The following DYTN variants were observed in gnomAD, a reference collection of about 807,000 sequenced individuals.
DYTN encodes the protein dystrotelin.
DYTN carries 75 observed loss-of-function variants against 69.6 expected under a neutral mutation model. That is an observed-to-expected ratio of 1.08 (90% CI 0.89 to 1.31). DYTN has a LOEUF of 1.31. Ranked by LOEUF, DYTN falls within the 50% of genes most tolerant of loss-of-function variation. The pLI is 0.00. For missense variants in DYTN, 726 were observed against 688.4 expected (o/e 1.05, Z -0.61); for synonymous variants, 252 against 249.1 (o/e 1.01, Z -0.11).
chr2:206,687,471 T>C (rs1192388350), intron 9 of DYTN: 1 of 152,194 alleles, frequency 6.6e-6, no homozygotes. Flanking sequence ...TTACCGAAAA[T>C]ATTTTTCTAA....
At chr2:206,664,666 G>A (rs1490117668) in intron 10 of DYTN, among the ~76,000 whole-genome samples, 1 of 152,062 alleles carries the variant, frequency 6.6e-6, no homozygotes. Context: ...TGTCTAAAAT[G>A]TATATTTACA....
chr2:206,689,805 C>T (rs559266809), intron 9 of DYTN, among the ~76,000 whole-genome samples: 1 of 152,304 alleles, frequency 6.6e-6, no homozygotes, highest in East Asian at 1.9e-4. Flanking sequence ...TCTAAAAGAG[C>T]TCATGGTTCA....
chr2:206,700,577 G>A (rs1315875502), intron 5 of DYTN, among the ~76,000 whole-genome samples: 1 of 150,182 alleles, frequency 6.7e-6, no homozygotes, highest in East Asian at 2.0e-4. Context: ...CTGTCTTAAA[G>A]TTTAGAGTTT....
chr2:206,669,051 C>T (rs1699604525), intron 9 of DYTN, among the ~76,000 whole-genome samples: 1 of 152,222 alleles, frequency 6.6e-6, no homozygotes, highest in Admixed American at 6.6e-5. Flanking sequence ...GGCGTTTCTT[C>T]ACAGCAGTGT....
chr2:206,701,717 G>T (rs937776790), intron 5 of DYTN, among the ~76,000 whole-genome samples: 3 of 152,224 alleles, frequency 2.0e-5, no homozygotes, highest in African/African-American at 7.2e-5. Context: ...ATTGCAGCAT[G>T]GCTACTAGTA....
intron 7 of DYTN, among the ~76,000 whole-genome samples, chr2:206,697,746 A>C (rs1699936498): frequency 6.6e-6 from 1 of 152,192 alleles, no homozygotes; most frequent in Admixed American, 6.5e-5. Context: ...ACACCTGTTT[A>C]TTGCCTTGGA....
intron 9 of DYTN, among the ~76,000 whole-genome samples, chr2:206,692,294 C>T (rs1307351758): frequency 6.6e-6 from 1 of 151,626 alleles, no homozygotes; most frequent in Non-Finnish European, 1.5e-5. Context: ...TGTTTCTCTC[C>T]TTTATCTTCT....
At chr2:206,688,081 T>C (rs2105895884) in intron 9 of DYTN, among the ~76,000 whole-genome samples, 2 of 152,330 alleles carry the variant, frequency 1.3e-5, no homozygotes, top group East Asian at 1.9e-4. Flanking sequence ...TTATGCTCTA[T>C]AAGGCTACCA....
In DYTN at chr2:206,663,415, T is replaced by A; in HGVS notation, c.1141-20A>T. The A allele has an allele frequency of 6.5e-7, 1 of 1,545,472 alleles. No homozygotes were observed. The highest frequency in any genetic ancestry group is 8.7e-7 in the Non-Finnish European group (1 of 1,150,212). On this transcript the variant is annotated intron_variant, in intron 10 of 11. Coordinates refer to ENST00000452335, the MANE Select transcript of DYTN (RefSeq NM_001093730.1). ...CCTTGCCTGGGGAAACAAAACTTTATTTATGAAGAAATTAATGTTTATCTT... is the reference window on the plus strand; with the variant it reads ...CCTTGCCTGGGGAAACAAAACTTTAATTATGAAGAAATTAATGTTTATCTT...
Position 206,663,316 on chromosome 2 carries a change from T to A in DYTN, c.1220A>T (p.Lys407Met). 1 of 1,613,970 alleles carries A rather than the reference T, an allele frequency of 6.2e-7. No individual in the cohort carries two copies. The highest frequency in any genetic ancestry group is 8.5e-7 in the Non-Finnish European group (1 of 1,179,868). Residue 407 changes from lysine (K) to methionine (M), a missense_variant, in exon 11 of 12, where the codon AAG becomes ATG. By Grantham distance (95) the Lys-to-Met change is moderately conservative. Coordinates refer to ENST00000452335, the MANE Select transcript of DYTN (RefSeq NM_001093730.1). Reference protein sequence around the residue: ...GNKVDHSSTEKVPKGGDYLQI... With the variant: ...GNKVDHSSTEMVPKGGDYLQI... ...CAAATAATCCCCTCCCTTTGGAACC[T>A]TTTCAGTTGAAGAATGGTCAACCTT...
At position 206,694,814 on chromosome 2, in the gene DYTN, G is replaced by T; in HGVS notation, c.783C>A (p.His261Gln). Residue 261 changes from histidine to glutamine, a missense_variant, in exon 8 of 12, where the codon CAC becomes CAA. Coordinates refer to ENST00000452335, the MANE Select transcript of DYTN (RefSeq NM_001093730.1). The stretch of plus-strand genomic sequence containing the variant: ...GATGAGACTTCTGATGGGACTTGCT[G>T]TGAAGACCAGATAAGAAACACATCT... ...ICQMCFLSGL[H>Q]SKSHQKSHPV... The T allele has an allele frequency of 2.5e-6, 4 of 1,611,212 alleles. No homozygotes were observed. Among genetic ancestry groups the T allele is most frequent in the Non-Finnish European group, 3.4e-6 (4 of 1,179,108 alleles).
chr2:206,694,715 C>T (rs1699901243), intron 8 of DYTN, 51 bp downstream of exon 8: 1 of 1,470,922 alleles, frequency 6.8e-7, no homozygotes, highest in Non-Finnish European at 9.2e-7. Flanking sequence ...ATGGCTATAG[C>T]TTATACTGAA....
chr2:206,688,802 AT>A (rs1250190482), intron 9 of DYTN, among the ~76,000 whole-genome samples: 1 of 152,044 alleles, frequency 6.6e-6, no homozygotes, highest in African/African-American at 2.4e-5. Flanking sequence ...AAATATTATA[AT>A]TTTATTTGGG....
intron 9 of DYTN, among the ~76,000 whole-genome samples, chr2:206,672,815 G>T (rs1417950730): frequency 6.6e-6 from 1 of 152,164 alleles, no homozygotes; most frequent in Admixed American, 6.5e-5. Flanking sequence ...ACATGCTAAA[G>T]TATTTGCAGA....
chr2:206,669,603 G>A (rs886190744), intron 9 of DYTN, among the ~76,000 whole-genome samples: 3 of 152,028 alleles, frequency 2.0e-5, no homozygotes, highest in African/African-American at 7.2e-5. Context: ...AGTTTAAAAT[G>A]ATTCATTTTA....
At chr2:206,697,981 T>C (rs997096573) in intron 7 of DYTN, among the ~76,000 whole-genome samples, 3 of 152,208 alleles carry the variant, frequency 2.0e-5, no homozygotes, top group African/African-American at 4.8e-5. Flanking sequence ...CATATTTCAA[T>C]GTAAAAGTTG....
chr2:206,712,653 C>G (rs1392424129), intron 1 of DYTN, among the ~76,000 whole-genome samples: 1 of 152,186 alleles, frequency 6.6e-6, no homozygotes, highest in Non-Finnish European at 1.5e-5. Flanking sequence ...AAGTCCCTCT[C>G]AGAGGGCACA....
chr2:206,705,028 T>C (rs1700012153), intron 4 of DYTN, 85 bp from the exon 5 acceptor site: 2 of 1,112,610 alleles, frequency 1.8e-6, no homozygotes, highest in African/African-American at 3.1e-5. Flanking sequence ...ACAGTCTCTT[T>C]GTGGCTATGA....
chr2:206,706,331 G>T (rs151266776), intron 3 of DYTN, among the ~76,000 whole-genome samples: 1 of 152,252 alleles, frequency 6.6e-6, no homozygotes, highest in East Asian at 1.9e-4. Context: ...CCCACTTGCT[G>T]TCTAGTTTAC....
Sources: gnomAD v4.1 joint callset for allele counts (sites outside exome capture counted in the v4.1 genomes callset) on GRCh38, gnomAD v4.1.1 for gene constraint, MANE v1.5 for transcripts, NCBI Gene and HGNC (gene_info 2026-07-23, HGNC 2026-07-21) for gene names.